FBXL17: variants seen among roughly 807,000 people sequenced by gnomAD.
The protein encoded by FBXL17 is F-box and leucine rich repeat protein 17, also known as F-box/LRR-repeat protein 17.
A neutral mutation model predicts 66.2 loss-of-function variants in FBXL17; 22 were observed. The observed-to-expected ratio is 0.33, with a 90% CI of 0.24 to 0.47. The LOEUF is 0.47. FBXL17 is among the 20% of genes least tolerant of loss of function. The pLI is 1.00. For missense variants in FBXL17, 878 were observed against 948.2 expected, an observed-to-expected ratio of 0.93 and a Z score of 0.97; for synonymous variants, 474 against 400.5, an observed-to-expected ratio of 1.18 and a Z score of -2.19.
chr5:107,996,061 A>C (rs1753458653), intron 7 of FBXL17, among the ~76,000 whole-genome samples: 1 of 152,214 alleles, frequency 6.6e-6, no homozygotes, highest in South Asian at 2.1e-4. Flanking sequence ...GGTTATGACC[A>C]AAAACTCAAC....
chr5:108,060,320 C>T (rs922625980), intron 6 of FBXL17, among the ~76,000 whole-genome samples: 3 of 152,020 alleles, frequency 2.0e-5, no homozygotes, highest in Non-Finnish European at 2.9e-5. Context: ...GAAATTACTC[C>T]GGTTGGATTA....
intron 6 of FBXL17, among the ~76,000 whole-genome samples, chr5:108,139,868 C>T (rs1751284940): frequency 6.6e-6 from 1 of 152,146 alleles, no homozygotes; most frequent in African/African-American, 2.4e-5. Flanking sequence ...GTGCAATTTG[C>T]ATGCCTTCTG....
chr5:107,984,974 T>C (rs1423175979), intron 7 of FBXL17, among the ~76,000 whole-genome samples: 1 of 152,206 alleles, frequency 6.6e-6, no homozygotes, highest in South Asian at 2.1e-4. Context: ...TCAGAATGAA[T>C]TAGTATGGTG....
intron 7 of FBXL17, among the ~76,000 whole-genome samples, chr5:107,919,958 T>C (rs1750256579): frequency 6.6e-6 from 1 of 152,184 alleles, no homozygotes. Context: ...ACTCACTAAA[T>C]ACAGAATAAA....
At chr5:108,275,579 A>G (rs535553799) in intron 4 of FBXL17, among the ~76,000 whole-genome samples, 25 of 152,306 alleles carry the variant, frequency 1.6e-4, no homozygotes, top group African/African-American at 5.1e-4. Flanking sequence ...ACTAATATCA[A>G]TGAAGTGCTA....
intron 8 of FBXL17, among the ~76,000 whole-genome samples, chr5:107,863,499 C>T (rs1748188397): frequency 6.6e-6 from 1 of 151,192 alleles, no homozygotes; most frequent in African/African-American, 2.4e-5. Flanking sequence ...TGGATCACTG[C>T]CTTATCTCTG....
At chr5:108,277,919 T>C (rs1757549063) in intron 4 of FBXL17, among the ~76,000 whole-genome samples, 1 of 152,228 alleles carries the variant, frequency 6.6e-6, no homozygotes, top group Admixed American at 6.5e-5. Context: ...GATAGTTGAC[T>C]AGAAGCATTT....
At chr5:108,084,186 T>A (rs1340993227) in intron 6 of FBXL17, among the ~76,000 whole-genome samples, 1 of 152,232 alleles carries the variant, frequency 6.6e-6, no homozygotes, top group Non-Finnish European at 1.5e-5. Flanking sequence ...AAATGCTACA[T>A]ATACGTGCCG....
intron 5 of FBXL17, among the ~76,000 whole-genome samples, chr5:108,201,795 G>T (rs1264836003): frequency 6.7e-6 from 1 of 149,058 alleles, no homozygotes; most frequent in Non-Finnish European, 1.5e-5. Flanking sequence ...GGGAAGTAGA[G>T]TGACACTGAT....
chr5:107,996,686 C>T (rs910555730), intron 7 of FBXL17, among the ~76,000 whole-genome samples: 4 of 152,118 alleles, frequency 2.6e-5, no homozygotes, highest in Non-Finnish European at 5.9e-5. Context: ...AATATATCTA[C>T]TATATTTTAT....
At chr5:108,061,919 C>A (rs1432180031) in intron 6 of FBXL17, among the ~76,000 whole-genome samples, 2 of 150,526 alleles carry the variant, frequency 1.3e-5, no homozygotes, top group Non-Finnish European at 3.0e-5. Context: ...ATGCATAAAA[C>A]ACTTTGAGCT....
intron 7 of FBXL17, among the ~76,000 whole-genome samples, chr5:107,967,247 CTAA>C (rs1752178714): frequency 1.3e-5 from 2 of 151,796 alleles, no homozygotes; most frequent in African/African-American, 4.8e-5. Context: ...TATTATAACA[CTAA>C]CTGTTGGACA....
chr5:108,200,983 T>C (rs1427694674), intron 5 of FBXL17, among the ~76,000 whole-genome samples: 1 of 152,082 alleles, frequency 6.6e-6, no homozygotes. Flanking sequence ...AAATAATGAG[T>C]AATAACATGT....
chr5:108,091,354 G>C (rs1296479453), intron 6 of FBXL17, among the ~76,000 whole-genome samples: 3 of 152,156 alleles, frequency 2.0e-5, no homozygotes, highest in Non-Finnish European at 4.4e-5. Context: ...AATTTCTTGA[G>C]TAAATGTTAT....
chr5:108,350,173 G>C (rs1277916885), intron 3 of FBXL17, among the ~76,000 whole-genome samples: 7 of 152,166 alleles, frequency 4.6e-5, no homozygotes, highest in Admixed American at 6.5e-5. Flanking sequence ...ATATATGTCT[G>C]GCAGTGAGGC....
At chr5:108,248,321 A>T (rs1756198116) in intron 4 of FBXL17, among the ~76,000 whole-genome samples, 1 of 152,192 alleles carries the variant, frequency 6.6e-6, no homozygotes, top group African/African-American at 2.4e-5. Flanking sequence ...AAAACGAAAA[A>T]GTCATTGGAT....
chr5:108,220,331 G>A (rs1754805348), intron 5 of FBXL17, among the ~76,000 whole-genome samples: 1 of 152,036 alleles, frequency 6.6e-6, no homozygotes, highest in South Asian at 2.1e-4. Context: ...TCTGCTGTGT[G>A]TTACCTGAGT....
intron 6 of FBXL17, among the ~76,000 whole-genome samples, chr5:108,029,477 T>C (rs61570940): frequency 3.9e-5 from 6 of 152,270 alleles, no homozygotes; most frequent in African/African-American, 9.6e-5. Flanking sequence ...GGGACTGCCA[T>C]TGCTTTACTC....
At chr5:108,008,023 G>A (rs59089281) in intron 7 of FBXL17, among the ~76,000 whole-genome samples, 9,972 of 152,204 alleles carry the variant, frequency 0.066, 1,115 homozygotes, top group African/African-American at 0.23. Context: ...ATAAAAGAAC[G>A]TGACAGAAAT....
Sources: gnomAD v4.1 joint callset for allele counts (sites outside exome capture counted in the v4.1 genomes callset) on GRCh38, gnomAD v4.1.1 for gene constraint, MANE v1.5 for transcripts, NCBI Gene and HGNC (gene_info 2026-07-23, HGNC 2026-07-21) for gene names.